The following PRDM1 variants were observed in gnomAD, a reference collection of about 807,000 sequenced individuals.
The protein encoded by PRDM1 is PR domain zinc finger protein 1.
Under a neutral mutation model 62.8 loss-of-function variants are expected in PRDM1, and 13 were observed. That is an observed-to-expected ratio of 0.21 (90% confidence interval 0.13 to 0.33). The LOEUF is 0.33. Ranked by LOEUF, PRDM1 falls within the 10% of genes least tolerant of loss-of-function variation. The probability of loss-of-function intolerance (pLI) is 1.00; values close to 1 mark genes in which losing one functional copy is unlikely to be tolerated. For missense variants in PRDM1, 895 were observed against 1,058.8 expected, an observed-to-expected ratio of 0.85 and a Z score of 2.15; for synonymous variants, 396 against 417.6, an observed-to-expected ratio of 0.95 and a Z score of 0.63.
chr6:106,102,134 T>C (rs1238739781), intron 4 of PRDM1, among the ~76,000 whole-genome samples: 1 of 152,212 alleles, frequency 6.6e-6, no homozygotes, highest in African/African-American at 2.4e-5. Flanking sequence ...GGGGTTCTTA[T>C]TATAGATCGA....
At chr6:106,095,522 T>C in intron 2 of PRDM1, 93 bp from the exon 3 acceptor site, 1 of 1,396,504 alleles carries the variant, frequency 7.2e-7, no homozygotes, top group Non-Finnish European at 9.8e-7. Context: ...TTGTTAGTTG[T>C]ATTACTACTT....
intron 1 of PRDM1, among the ~76,000 whole-genome samples, chr6:106,038,012 G>GTATTTTTTTTTT (rs1302119750): frequency 4.9e-5 from 1 of 20,526 alleles, no homozygotes. Flanking sequence ...TGCTATTTTT[G>GTATTTTTTTTTT]TCTTTTTTTT....
chr6:106,016,452 G>T (rs558135110), intron 1 of PRDM1, among the ~76,000 whole-genome samples: 1 of 151,818 alleles, frequency 6.6e-6, no homozygotes, highest in Non-Finnish European at 1.5e-5. Flanking sequence ...ATTCTTTCTC[G>T]CACCCTGGGT....
chr6:106,099,072 A>T (rs1215542833), intron 3 of PRDM1: 5 of 1,614,142 alleles, frequency 3.1e-6, no homozygotes, highest in Non-Finnish European at 3.4e-6. Flanking sequence ...ACATGAAAAG[A>T]CGATAAAACT....
intron 1 of PRDM1, among the ~76,000 whole-genome samples, chr6:105,995,649 C>G (rs1772339489): frequency 6.6e-6 from 1 of 152,096 alleles, no homozygotes; most frequent in South Asian, 2.1e-4. Context: ...AAGCCTCTTT[C>G]TCCCAGGGAG....
chr6:106,089,295 C>G (rs1248814045), intron 2 of PRDM1, among the ~76,000 whole-genome samples: 4 of 152,204 alleles, frequency 2.6e-5, no homozygotes, highest in African/African-American at 9.7e-5. Flanking sequence ...GAAAGGACCC[C>G]TCAGCAGACT....
chr6:105,998,933 A>ATATATAT (rs1290453454), intron 1 of PRDM1, among the ~76,000 whole-genome samples: 6 of 6,396 alleles, frequency 9.4e-4, no homozygotes, highest in South Asian at 6.3e-3. Context: ...ATATATATAT[A>ATATATAT]TTTTTTTTTT....
intron 1 of PRDM1, among the ~76,000 whole-genome samples, chr6:106,071,011 C>T (rs1773506847): frequency 6.6e-6 from 1 of 152,176 alleles, no homozygotes; most frequent in Non-Finnish European, 1.5e-5. Context: ...TAGCTCATGC[C>T]TGTAATAGCA....
At chr6:106,053,319 AC>A (rs1219284207) in intron 1 of PRDM1, among the ~76,000 whole-genome samples, 4 of 152,152 alleles carry the variant, frequency 2.6e-5, no homozygotes, top group Admixed American at 6.5e-5. Flanking sequence ...CAGACAGAAG[AC>A]CTCTTAGTGA....
In PRDM1 at chr6:106,104,853, G is replaced by A. The variant is rs780094131; in HGVS notation, c.693G>A (p.Pro231=). 7 of 1,613,760 alleles carry A rather than the reference G, an allele frequency of 4.3e-6. No homozygotes were observed. The highest frequency in any genetic ancestry group is 2.7e-5 in the African/African-American group (2 of 74,818). Residue 231 remains proline (P), a synonymous_variant, in exon 5 of 7, where the codon CCG becomes CCA. Transcript: ENST00000369096. ...LTQTQSSLKQ[P]STEKNELCPK... is the part of the protein sequence containing the mutation. The stretch of plus-strand genomic sequence containing the variant: ...AAACACAGAGCAGTCTAAAGCAACC[G>A]AGCACTGAGAAAAATGAACTCTGCC...
At chr6:106,009,781 G>C (rs996095704) in intron 1 of PRDM1, among the ~76,000 whole-genome samples, 5 of 152,092 alleles carry the variant, frequency 3.3e-5, no homozygotes, top group Non-Finnish European at 7.4e-5. Context: ...GCAGTGGCAT[G>C]ATCTCAGCTC....
At chr6:106,065,940 G>T (rs775468112) in intron 1 of PRDM1, among the ~76,000 whole-genome samples, 3 of 152,152 alleles carry the variant, frequency 2.0e-5, no homozygotes, top group Non-Finnish European at 2.9e-5. Flanking sequence ...ATTCCACTTA[G>T]TCCAGCTGTA....
chr6:106,072,977 C>T (rs553509431), intron 1 of PRDM1, among the ~76,000 whole-genome samples: 18 of 152,226 alleles, frequency 1.2e-4, no homozygotes, highest in African/African-American at 3.6e-4. Flanking sequence ...AAGTGGCTGC[C>T]GGCTCTGCTC....
At chr6:106,060,564 G>A (rs1773330580) in intron 1 of PRDM1, among the ~76,000 whole-genome samples, 1 of 152,110 alleles carries the variant, frequency 6.6e-6, no homozygotes, top group Non-Finnish European at 1.5e-5. Context: ...ATACAAGGAA[G>A]GATGGATCAT....
chr6:106,036,584 T>C (rs1165511085), intron 1 of PRDM1, among the ~76,000 whole-genome samples: 1 of 152,160 alleles, frequency 6.6e-6, no homozygotes, highest in South Asian at 2.1e-4. Context: ...TTGTACATTG[T>C]ATGCTCAGAA....
At chr6:106,054,185 T>A (rs1773227841) in intron 1 of PRDM1, among the ~76,000 whole-genome samples, 1 of 152,072 alleles carries the variant, frequency 6.6e-6, no homozygotes, top group African/African-American at 2.4e-5. Context: ...AACAAGATCA[T>A]CTCAACATTT....
intron 1 of PRDM1, among the ~76,000 whole-genome samples, chr6:106,013,114 C>T: frequency 6.6e-6 from 1 of 151,260 alleles, no homozygotes; most frequent in East Asian, 2.0e-4. Flanking sequence ...CTCGAACTGT[C>T]CTCAATCAAG....
intron 1 of PRDM1, among the ~76,000 whole-genome samples, chr6:106,064,044 A>G (rs1773389145): frequency 6.6e-6 from 1 of 152,214 alleles, no homozygotes; most frequent in Non-Finnish European, 1.5e-5. Context: ...TGCAAGAGGA[A>G]GTACATTTTT....
At position 106,108,851 on chromosome 6, in the gene PRDM1, C is replaced by CT. The variant is rs1774596375; in HGVS notation, c.*1367dup. ...TGTCCAGTAGTGCAGGAAATGATGT[C>CT]TTATCTAATGATTTGCTTCTCTAGA... On this transcript the variant is annotated 3_prime_UTR_variant, in exon 7 of 7. Transcript: ENST00000369096. The CT allele has an allele frequency of 4.3e-6, 1 of 232,282 alleles. No individual in the cohort carries two copies. The highest frequency in any genetic ancestry group is 1.8e-4 in the South Asian group (1 of 5,514). The allele number at this position is 232,282 out of a possible 1,614,324, so 14.4% of individuals were successfully genotyped here.
Sources: gnomAD v4.1 joint callset for allele counts (sites outside exome capture counted in the v4.1 genomes callset) on GRCh38, gnomAD v4.1.1 for gene constraint, MANE v1.5 for transcripts, NCBI Gene and HGNC (gene_info 2026-07-23, HGNC 2026-07-21) for gene names.